DIPK2B: variants seen among roughly 807,000 people sequenced by gnomAD.
The protein encoded by DIPK2B is UPF0672 protein CXorf36.
A neutral mutation model predicts 22.2 loss-of-function variants in DIPK2B; 15 were observed. The ratio of observed to expected loss-of-function variants is 0.68; its 90% CI spans 0.45 to 1.04. The LOEUF is 1.04. Among genes scored for constraint, DIPK2B ranks in the 50% least tolerant of loss-of-function variants. The pLI, the probability that DIPK2B is intolerant of heterozygous loss-of-function variation, is 0.00. For synonymous variants in DIPK2B, 163 were observed against 153.2 expected, an observed-to-expected ratio of 1.06 and a Z score of -0.47; for missense variants, 345 against 348.3, an observed-to-expected ratio of 0.99 and a Z score of 0.08.
chrX:45,178,238 A>G (rs1233038220), intron 2 of DIPK2B, among the ~76,000 whole-genome samples: 1 of 112,358 alleles, frequency 8.9e-6, no homozygotes, highest in Non-Finnish European at 1.9e-5. Flanking sequence ...TTGAAATAGT[A>G]TCCAAAATGC....
chrX:45,156,244 T>C (rs752964397), intron 3 of DIPK2B, among the ~76,000 whole-genome samples: 300 of 110,810 alleles, frequency 2.7e-3, no homozygotes, highest in Non-Finnish European at 3.3e-3. Context: ...AGTGTTGGGA[T>C]TACAGGTGTG....
chrX:45,186,034 C>T (rs1191833059), intron 2 of DIPK2B, among the ~76,000 whole-genome samples: 5 of 111,861 alleles, frequency 4.5e-5, no homozygotes, highest in Non-Finnish European at 7.5e-5. Context: ...TTATTAGTCC[C>T]TTTTCTATGA....
At chrX:45,194,647 T>A (rs1370829239) in intron 1 of DIPK2B, among the ~76,000 whole-genome samples, 1 of 112,037 alleles carries the variant, frequency 8.9e-6, no homozygotes, top group East Asian at 2.8e-4. Flanking sequence ...TTGGTAACAT[T>A]ATTAGGGGTT....
chrX:45,163,964 C>A, intron 2 of DIPK2B: 2 of 945,699 alleles, frequency 2.1e-6, no homozygotes, highest in Non-Finnish European at 2.6e-6. Context: ...GTGGAAAGAG[C>A]CGGGGCTTTG....
intron 1 of DIPK2B, among the ~76,000 whole-genome samples, chrX:45,198,038 C>A (rs1418144049): frequency 8.9e-6 from 1 of 112,093 alleles, no homozygotes; most frequent in Non-Finnish European, 1.9e-5. Flanking sequence ...ATACCATGAA[C>A]CTGTTAAAAA....
At chrX:45,198,700 C>T (rs1486659300) in intron 1 of DIPK2B, among the ~76,000 whole-genome samples, 1 of 111,494 alleles carries the variant, frequency 9.0e-6, no homozygotes, top group Non-Finnish European at 1.9e-5. Context: ...ATTTCTCTCC[C>T]TCCTTTTAAA....
At chrX:45,175,477 G>C (rs996899921) in intron 2 of DIPK2B, among the ~76,000 whole-genome samples, 9 of 108,178 alleles carry the variant, frequency 8.3e-5, no homozygotes, top group African/African-American at 1.3e-4. Flanking sequence ...AAAAAGACTA[G>C]AAGAAAAAAC....
rs749071412 is a variant in DIPK2B at position 45,196,499 on chromosome X, C to T, written c.233+4095G>A. On this transcript the variant is annotated intron_variant, in intron 1 of 4. Transcript: ENST00000398000. The stretch of plus-strand genomic sequence containing the variant: ...GAAGGGAAGGCAAAATCAGGCCTGA[C>T]GATTTAGTTATTTTACTGTGAGCCC... Among the ~76,000 whole-genome samples, 12 of 111,237 alleles carry T rather than the reference C, an allele frequency of 1.1e-4. 1 individual carries two copies. The South Asian group carries it at 3.1e-3, about 28-fold the overall frequency.
chrX:45,186,039 C>G (rs1423876908), intron 2 of DIPK2B, among the ~76,000 whole-genome samples: 1 of 111,978 alleles, frequency 8.9e-6, no homozygotes, highest in Non-Finnish European at 1.9e-5. Context: ...AGTCCCTTTT[C>G]TATGAGACTG....
chrX:45,178,308 T>C (rs775899787), intron 2 of DIPK2B, among the ~76,000 whole-genome samples: 6 of 112,259 alleles, frequency 5.3e-5, no homozygotes, highest in Non-Finnish European at 1.1e-4. Flanking sequence ...TTAATAGCTA[T>C]ATTTAGGATT....
At chrX:45,153,474 TTGTGTGTGTGTGTGTGTGTGTGTG>T (rs34281975) in intron 4 of DIPK2B, among the ~76,000 whole-genome samples, 3 of 73,862 alleles carry the variant, frequency 4.1e-5, no homozygotes, top group African/African-American at 1.0e-4. Context: ...CCCAAAAGTT[TTGTGTGTGTGTGTGTGTGTGTGTG>T]TGTGTGTGTG....
At chrX:45,160,989 T>C (rs928649236) in intron 2 of DIPK2B, among the ~76,000 whole-genome samples, 4 of 111,814 alleles carry the variant, frequency 3.6e-5, no homozygotes, top group Non-Finnish European at 7.5e-5. Flanking sequence ...GGTGTGATAA[T>C]GCGACTAGGT....
At chrX:45,176,929 C>T (rs1396026154) in intron 2 of DIPK2B, among the ~76,000 whole-genome samples, 1 of 111,637 alleles carries the variant, frequency 9.0e-6, no homozygotes, top group Non-Finnish European at 1.9e-5. Context: ...ATTGGGTAGA[C>T]ATTTCTGGTA....
Position 45,198,187 on chromosome X carries a change from G to A in DIPK2B, c.233+2407C>T, listed in dbSNP as rs777696048. Among the ~76,000 whole-genome samples the A allele has an allele frequency of 5.5e-4, 61 of 111,219 alleles. 1 individual carries two copies. The highest frequency in any genetic ancestry group is 1.8e-3 in the Admixed American group (19 of 10,565). On this transcript the variant is annotated intron_variant, in intron 1 of 4. Coordinates refer to ENST00000398000, the MANE Select transcript of DIPK2B (RefSeq NM_176819.4). ...TTAATTCACACTTAGAAAAAGGGTG[G>A]CAAGGAAATGCAACAAAATGTTGAC...
intron 2 of DIPK2B, among the ~76,000 whole-genome samples, chrX:45,158,730 AG>A (rs1346158571): frequency 1.2e-4 from 13 of 111,933 alleles, no homozygotes; most frequent in African/African-American, 4.2e-4. Context: ...ACCTTGGACA[AG>A]TTACTTAGTC....
At chrX:45,175,703 A>T (rs1186653157) in intron 2 of DIPK2B, among the ~76,000 whole-genome samples, 2 of 101,342 alleles carry the variant, frequency 2.0e-5, no homozygotes, top group Non-Finnish European at 4.0e-5. Flanking sequence ...ATACATACAT[A>T]TATGTGTGTA....
chrX:45,197,078 A>G (rs900042726), intron 1 of DIPK2B, among the ~76,000 whole-genome samples: 5 of 111,870 alleles, frequency 4.5e-5, no homozygotes, highest in African/African-American at 1.6e-4. Flanking sequence ...TTGTTGCTGA[A>G]CAGATGCAAG....
At chrX:45,185,657 T>C (rs749797613) in intron 2 of DIPK2B, among the ~76,000 whole-genome samples, 5 of 100,235 alleles carry the variant, frequency 5.0e-5, no homozygotes, top group South Asian at 4.8e-4. Context: ...TCTTTTCTTT[T>C]TTTTTTTTTT....
At chrX:45,163,112 TA>T (rs1432517165) in intron 2 of DIPK2B, 12 of 239,831 alleles carry the variant, frequency 5.0e-5, no homozygotes, top group Non-Finnish European at 6.4e-5. Flanking sequence ...TTACTTTAAG[TA>T]AAAGAGATTA....
Sources: allele counts gnomAD v4.1 joint callset (sites outside exome capture counted in the v4.1 genomes callset), GRCh38; gene constraint gnomAD v4.1.1; transcripts MANE v1.5; gene names NCBI Gene and HGNC (gene_info 2026-07-23, HGNC 2026-07-21).